The following AGTR1 variants were observed in gnomAD, a reference collection of about 807,000 sequenced individuals.
The protein encoded by AGTR1 is angiotensin II receptor type 1.
Under a neutral mutation model 19.4 loss-of-function variants are expected in AGTR1, and 16 were observed. That is an observed-to-expected ratio of 0.82 (90% CI 0.56 to 1.25). The LOEUF (loss-of-function observed/expected upper bound fraction) is 1.25, where lower values mean the gene tolerates loss of function less well. Among genes scored for constraint, AGTR1 ranks in the 50% most tolerant of loss-of-function variants. The pLI, the probability that AGTR1 is intolerant of heterozygous loss-of-function variation, is 0.00. For synonymous variants in AGTR1, 153 were observed against 154.9 expected (o/e 0.99, Z 0.09); for missense variants, 373 against 431.9 (o/e 0.86, Z 1.21).
intron 2 of AGTR1, among the ~76,000 whole-genome samples, chr3:148,710,484 A>T (rs1007863898): frequency 2.6e-5 from 4 of 152,248 alleles, no homozygotes; most frequent in African/African-American, 9.6e-5. Flanking sequence ...AGTAAAAAAG[A>T]TGTAGGATCA....
chr3:148,736,497 A>G (rs55752357), intron 2 of AGTR1, among the ~76,000 whole-genome samples: 2,122 of 152,344 alleles, frequency 0.014, 19 homozygotes, highest in Admixed American at 0.036. Context: ...TTGCATTCAA[A>G]AAATAATAGT....
intron 2 of AGTR1, among the ~76,000 whole-genome samples, chr3:148,740,646 A>G (rs1043735382): frequency 6.6e-6 from 1 of 152,246 alleles, no homozygotes; most frequent in Non-Finnish European, 1.5e-5. Context: ...AATTTAATTC[A>G]GTAGTATTTT....
At chr3:148,714,310 G>T (rs1194816196) in intron 2 of AGTR1, among the ~76,000 whole-genome samples, 1 of 152,146 alleles carries the variant, frequency 6.6e-6, no homozygotes, top group East Asian at 1.9e-4. Context: ...TGGAAATAAA[G>T]TGGAAGGGAG....
At chr3:148,731,160 A>G (rs1012304060) in intron 2 of AGTR1, 1 of 152,198 alleles carries the variant, frequency 6.6e-6, no homozygotes, top group African/African-American at 2.4e-5. Context: ...ACAATTATAT[A>G]TGTGTCTCAC....
At chr3:148,721,398 G>A (rs1713627431) in intron 2 of AGTR1, among the ~76,000 whole-genome samples, 1 of 152,192 alleles carries the variant, frequency 6.6e-6, no homozygotes, top group South Asian at 2.1e-4. Flanking sequence ...CATGTAAGAT[G>A]TAGGAGCAAA....
intron 2 of AGTR1, among the ~76,000 whole-genome samples, chr3:148,737,910 C>A (rs142128857): frequency 6.6e-6 from 1 of 152,166 alleles, no homozygotes; most frequent in East Asian, 1.9e-4. Flanking sequence ...TCAAAGCTAC[C>A]TTTTATATAT....
intron 2 of AGTR1, among the ~76,000 whole-genome samples, chr3:148,708,812 C>T (rs1432559575): frequency 6.6e-6 from 1 of 152,228 alleles, no homozygotes; most frequent in African/African-American, 2.4e-5. Flanking sequence ...AGAACAAGCC[C>T]TCAGCTTCTC....
chr3:148,732,502 G>T (rs1295842671), intron 2 of AGTR1, among the ~76,000 whole-genome samples: 3 of 151,890 alleles, frequency 2.0e-5, no homozygotes, highest in Non-Finnish European at 2.9e-5. Context: ...TTTTCACTTT[G>T]TTGTTTCAAT....
At chr3:148,740,928 G>T in intron 2 of AGTR1, 61 bp from the exon 3 acceptor site, 1 of 1,428,290 alleles carries the variant, frequency 7.0e-7, no homozygotes. Flanking sequence ...ATGAATGTTT[G>T]TTAGTTTGTT....
chr3:148,734,663 C>T (rs1171717935), intron 2 of AGTR1, among the ~76,000 whole-genome samples: 3 of 152,284 alleles, frequency 2.0e-5, no homozygotes, highest in Admixed American at 2.0e-4. Flanking sequence ...CCAAAGAAAT[C>T]ATTTAACATG....
chr3:148,704,007 G>A (rs1026640946), intron 1 of AGTR1, among the ~76,000 whole-genome samples: 2 of 151,962 alleles, frequency 1.3e-5, no homozygotes, highest in Non-Finnish European at 2.9e-5. Context: ...CATGCTTTTT[G>A]TATATCAATT....
At chr3:148,736,083 G>A (rs908751934) in intron 2 of AGTR1, among the ~76,000 whole-genome samples, 5 of 152,006 alleles carry the variant, frequency 3.3e-5, no homozygotes, top group African/African-American at 1.2e-4. Flanking sequence ...TAATTAGATT[G>A]GTTTTGGCTT....
At chr3:148,700,876 T>A (rs1712300003) in intron 1 of AGTR1, among the ~76,000 whole-genome samples, 1 of 152,220 alleles carries the variant, frequency 6.6e-6, no homozygotes, top group South Asian at 2.1e-4. Flanking sequence ...CAAAATTGCC[T>A]AAGATCATTG....
Position 148,741,256 on chromosome 3 carries a change from A to G in AGTR1, c.221A>G (p.Asp74Gly). ...SVFLLNLALA[D>G]LCFLLTLPLW... ...TTTCTTTTGAATTTAGCACTGGCTG[A>G]CTTATGCTTTTTACTGACTTTGCCA... Residue 74 changes from aspartate (D) to glycine (G), a missense_variant, in exon 3 of 3, where the codon GAC (aspartate) becomes GGC (glycine). Physicochemically the swap from Asp to Gly is moderately conservative, Grantham distance 94. Coordinates refer to ENST00000349243, the MANE Select transcript of AGTR1 (RefSeq NM_000685.5). The G allele has an allele frequency of 1.9e-6, 3 of 1,613,890 alleles. No individual in the cohort carries two copies. Among genetic ancestry groups the G allele is most frequent in the Non-Finnish European group, 2.5e-6 (3 of 1,180,004 alleles).
chr3:148,733,538 C>T (rs1409951540), intron 2 of AGTR1, among the ~76,000 whole-genome samples: 1 of 152,284 alleles, frequency 6.6e-6, no homozygotes. Context: ...GAGGTGGCTT[C>T]ATATACAAAA....
At chr3:148,719,336 T>C (rs548179616) in intron 2 of AGTR1, among the ~76,000 whole-genome samples, 9 of 152,280 alleles carry the variant, frequency 5.9e-5, no homozygotes, top group African/African-American at 1.9e-4. Flanking sequence ...GTGGCACACT[T>C]CCCATCCTTT....
intron 2 of AGTR1, among the ~76,000 whole-genome samples, chr3:148,730,919 C>A (rs1173462478): frequency 6.6e-6 from 1 of 152,100 alleles, no homozygotes; most frequent in Admixed American, 6.5e-5. Context: ...CAGCAGCCAG[C>A]CCCAGTGTGA....
chr3:148,708,124 T>C (rs779603811), intron 2 of AGTR1, 97 bp downstream of exon 2: 6 of 152,146 alleles, frequency 3.9e-5, no homozygotes, highest in Middle Eastern at 3.2e-3. Flanking sequence ...ACCATTATCT[T>C]GTGAAAGAAG....
At chr3:148,701,814 G>T (rs145621138) in intron 1 of AGTR1, among the ~76,000 whole-genome samples, 86 of 152,112 alleles carry the variant, frequency 5.7e-4, no homozygotes, top group African/African-American at 2.0e-3. Flanking sequence ...TAATCTTTCA[G>T]TTTAAGTCAA....
Sources: gnomAD v4.1 joint callset for allele counts (sites outside exome capture counted in the v4.1 genomes callset) on GRCh38, gnomAD v4.1.1 for gene constraint, MANE v1.5 for transcripts, NCBI Gene and HGNC (gene_info 2026-07-23, HGNC 2026-07-21) for gene names.